The following FHIT variants were observed in gnomAD, a reference collection of about 807,000 sequenced individuals.
The protein encoded by FHIT is bis(5'-adenosyl)-triphosphatase.
FHIT carries 19 observed loss-of-function variants against 17.9 expected under a neutral mutation model. The observed-to-expected ratio is 1.06, with a 90% confidence interval of 0.74 to 1.56. The LOEUF (loss-of-function observed/expected upper bound fraction) is 1.56. Ranked by LOEUF, FHIT falls within the 40% of genes most tolerant of loss-of-function variation. FHIT has a pLI of 0.00. For missense variants in FHIT, 248 were observed against 189.2 expected, an observed-to-expected ratio of 1.31 and a Z score of -1.82; for synonymous variants, 81 against 69.7, an observed-to-expected ratio of 1.16 and a Z score of -0.81.
intron 7 of FHIT, among the ~76,000 whole-genome samples, chr3:59,932,352 C>T (rs1036861752): frequency 1.8e-4 from 27 of 152,184 alleles, no homozygotes; most frequent in African/African-American, 5.5e-4. Context: ...AGTAGATAGA[C>T]TTCCTTCCTC....
At chr3:60,347,554 C>T (rs534119579) in intron 5 of FHIT, among the ~76,000 whole-genome samples, 26 of 151,540 alleles carry the variant, frequency 1.7e-4, no homozygotes, top group Admixed American at 4.0e-4. Flanking sequence ...TAGATGCAAA[C>T]GCCTGTAGGT....
intron 2 of FHIT, among the ~76,000 whole-genome samples, chr3:61,148,626 C>G (rs1013839151): frequency 6.6e-6 from 1 of 152,110 alleles, no homozygotes; most frequent in Non-Finnish European, 1.5e-5. Context: ...TGGATTTTCT[C>G]AAGTGCTTGG....
At chr3:60,228,039 C>T (rs1191548259) in intron 5 of FHIT, among the ~76,000 whole-genome samples, 1 of 152,168 alleles carries the variant, frequency 6.6e-6, no homozygotes, top group Non-Finnish European at 1.5e-5. Flanking sequence ...TTCCTCCAAG[C>T]CTCTTGCCTC....
intron 5 of FHIT, among the ~76,000 whole-genome samples, chr3:60,348,608 G>C (rs986136891): frequency 2.6e-5 from 4 of 152,036 alleles, no homozygotes; most frequent in Admixed American, 2.0e-4. Flanking sequence ...CCTGGGACTT[G>C]GCAATAAGTC....
intron 7 of FHIT, among the ~76,000 whole-genome samples, chr3:59,944,514 CTTT>C (rs5849312): frequency 6.7e-6 from 1 of 150,088 alleles, no homozygotes; most frequent in Non-Finnish European, 1.5e-5. Context: ...ACATTTTTTT[CTTT>C]TTTTTTTATT....
intron 8 of FHIT, among the ~76,000 whole-genome samples, chr3:59,888,570 T>A (rs564896393): frequency 6.6e-6 from 1 of 152,266 alleles, no homozygotes; most frequent in African/African-American, 2.4e-5. Context: ...TGGGAAAAAA[T>A]CAAGACCCTT....
chr3:59,841,886 T>C (rs996295441), intron 8 of FHIT, among the ~76,000 whole-genome samples: 2 of 152,222 alleles, frequency 1.3e-5, no homozygotes, highest in Non-Finnish European at 2.9e-5. Context: ...TTCCAATTTC[T>C]TTTATTGTGG....
chr3:60,461,506 G>A (rs1025202561), intron 5 of FHIT, among the ~76,000 whole-genome samples: 11 of 152,156 alleles, frequency 7.2e-5, no homozygotes, highest in African/African-American at 2.2e-4. Flanking sequence ...AAGATGAAAG[G>A]TGGCAGCTAT....
chr3:59,967,770 A>G (rs1359379371), intron 7 of FHIT, among the ~76,000 whole-genome samples: 2 of 152,138 alleles, frequency 1.3e-5, no homozygotes, highest in African/African-American at 4.8e-5. Flanking sequence ...TAAAGCTACC[A>G]TAATTCTGCT....
intron 5 of FHIT, among the ~76,000 whole-genome samples, chr3:60,176,013 G>A (rs1233580068): frequency 1.3e-5 from 2 of 152,124 alleles, no homozygotes; most frequent in South Asian, 2.1e-4. Context: ...GCTGAAAGAC[G>A]AGTTTTAAAT....
chr3:60,807,643 C>T lies in FHIT; in HGVS notation c.-18+14276G>A, dbSNP rs183734049. Among the ~76,000 whole-genome samples the T allele has an allele frequency of 1.5e-3, 228 of 152,054 alleles. 2 individuals are homozygous for T. Among genetic ancestry groups the T allele is most frequent in the African/African-American group, 4.9e-3 (202 of 41,482 alleles). ...CCAGTTCAGCATTTATAATATTGTTCCTAATAGCATGCCACTCCTGACTGA... is the reference window on the plus strand; with the variant it reads ...CCAGTTCAGCATTTATAATATTGTTTCTAATAGCATGCCACTCCTGACTGA... On this transcript the variant is annotated intron_variant, in intron 4 of 9. Transcript: ENST00000492590.
intron 7 of FHIT, among the ~76,000 whole-genome samples, chr3:59,933,004 T>C (rs1238585467): frequency 6.6e-6 from 1 of 152,108 alleles, no homozygotes; most frequent in Non-Finnish European, 1.5e-5. Flanking sequence ...CAAAAACATC[T>C]TATTTCCACC....
At chr3:59,888,889 T>G (rs1399725495) in intron 8 of FHIT, among the ~76,000 whole-genome samples, 1 of 152,162 alleles carries the variant, frequency 6.6e-6, no homozygotes, top group Non-Finnish European at 1.5e-5. Context: ...CTGCATCCAG[T>G]GAGGGCCTTC....
intron 5 of FHIT, among the ~76,000 whole-genome samples, chr3:60,030,716 A>G (rs181901859): frequency 6.6e-6 from 1 of 152,132 alleles, no homozygotes; most frequent in Non-Finnish European, 1.5e-5. Context: ...TGGTGGGTCA[A>G]TGGATGGATG....
chr3:61,039,024 G>A (rs902354576), intron 3 of FHIT, among the ~76,000 whole-genome samples: 11 of 151,966 alleles, frequency 7.2e-5, no homozygotes, highest in East Asian at 1.9e-4. Context: ...CACTCTACTT[G>A]GTGCATATTT....
intron 4 of FHIT, among the ~76,000 whole-genome samples, chr3:60,548,253 A>G (rs574136552): frequency 1.3e-5 from 2 of 152,298 alleles, no homozygotes; most frequent in South Asian, 2.1e-4. Context: ...TACTGAATTA[A>G]TAACAACTCT....
chr3:60,750,588 G>A (rs369237782), intron 4 of FHIT, among the ~76,000 whole-genome samples: 2 of 152,270 alleles, frequency 1.3e-5, no homozygotes, highest in East Asian at 1.9e-4. Flanking sequence ...CATGTAAGAT[G>A]TGACTTGCTC....
intron 5 of FHIT, among the ~76,000 whole-genome samples, chr3:60,075,897 A>T (rs553624094): frequency 2.2e-4 from 33 of 152,194 alleles, no homozygotes; most frequent in African/African-American, 7.9e-4. Context: ...TGATCTTAAG[A>T]TGGCTTTAAC....
chr3:60,463,161 C>G (rs977183731), intron 5 of FHIT, among the ~76,000 whole-genome samples: 8 of 152,144 alleles, frequency 5.3e-5, no homozygotes, highest in Non-Finnish European at 8.8e-5. Flanking sequence ...ACAGATATAT[C>G]ACATCATTGA....
Sources: gnomAD v4.1 joint callset for allele counts (sites outside exome capture counted in the v4.1 genomes callset) on GRCh38, gnomAD v4.1.1 for gene constraint, MANE v1.5 for transcripts, NCBI Gene and HGNC (gene_info 2026-07-23, HGNC 2026-07-21) for gene names.